The following AGTPBP1 variants were observed in gnomAD, a reference collection of about 807,000 sequenced individuals.
AGTPBP1 encodes ATP/GTP binding carboxypeptidase 1.
A neutral mutation model predicts 143.9 loss-of-function variants in AGTPBP1; 70 were observed. The ratio of observed to expected loss-of-function variants is 0.49; its 90% CI spans 0.40 to 0.59. AGTPBP1 has a LOEUF of 0.59. Ranked by LOEUF, AGTPBP1 falls within the 20% of genes least tolerant of loss-of-function variation. AGTPBP1 has a pLI of 0.00. For missense variants in AGTPBP1, 1,229 were observed against 1,464.5 expected, an observed-to-expected ratio of 0.84 and a Z score of 2.62; for synonymous variants, 463 against 500.2, an observed-to-expected ratio of 0.93 and a Z score of 0.99.
At chr9:85,642,620 C>G (rs1172582272) in intron 13 of AGTPBP1, among the ~76,000 whole-genome samples, 2 of 151,520 alleles carry the variant, frequency 1.3e-5, no homozygotes, top group Non-Finnish European at 2.9e-5. Context: ...GTGTGAGCCA[C>G]CACGCCCGGC....
Position 85,575,274 on chromosome 9 carries a change from T to C in AGTPBP1, c.3503+41A>G, listed in dbSNP as rs183389946. On this transcript the variant is annotated intron_variant, in intron 25 of 25. Transcript: ENST00000357081. ...CTGCTATTTTAATGAAGTCTAATAA[T>C]ATACTACAATATAATAAAAGAAAAA... is the stretch of plus-strand genomic sequence containing the variant. 7.6e-4 allele frequency: 1,122 copies of C among 1,482,240 alleles called. 2 individuals carry two copies. The highest frequency in any genetic ancestry group is 7.2e-3 in the Middle Eastern group (29 of 4,040). 91.8% of individuals were successfully genotyped at this position (1,482,240 alleles called of 1,614,324 possible). A position where few individuals can be genotyped will look rare whatever the true frequency, so the allele number is the denominator to read the frequency against.
At chr9:85,718,096 G>A (rs62570603) in intron 1 of AGTPBP1, among the ~76,000 whole-genome samples, 2,256 of 152,214 alleles carry the variant, frequency 0.015, 25 homozygotes, top group Middle Eastern at 0.037. Flanking sequence ...CATATGGGTT[G>A]GTTCCAAGTC....
intron 6 of AGTPBP1, among the ~76,000 whole-genome samples, chr9:85,674,355 G>T (rs563577617): frequency 5.3e-4 from 80 of 151,704 alleles, no homozygotes; most frequent in Non-Finnish European, 8.7e-4. Flanking sequence ...ATATATAAGA[G>T]AAAATAAATA....
chr9:85,698,854 A>G (rs1044869712), intron 2 of AGTPBP1, among the ~76,000 whole-genome samples: 2 of 151,546 alleles, frequency 1.3e-5, no homozygotes, highest in Non-Finnish European at 2.9e-5. Flanking sequence ...AACCACGCCC[A>G]GCTCATTTTT....
the AGTPBP1 span, among the ~76,000 whole-genome samples, chr9:85,802,940 C>T: frequency 6.6e-6 from 1 of 152,190 alleles, no homozygotes; most frequent in South Asian, 2.1e-4. Context: ...TAATACTTGA[C>T]CATATGCAAC....
rs769438746 is a variant in AGTPBP1 at position 85,579,099 on chromosome 9, G to T, written c.3166-3C>A. The T allele has an allele frequency of 6.3e-7, 1 of 1,581,938 alleles. No homozygotes were observed. The highest frequency in any genetic ancestry group is 1.2e-5 in the South Asian group (1 of 84,542). On this transcript the variant is annotated splice_polypyrimidine_tract_variant and splice_region_variant and intron_variant, in intron 23 of 25. Coordinates refer to ENST00000357081, the MANE Select transcript of AGTPBP1 (RefSeq NM_001330701.2). The stretch of plus-strand genomic sequence containing the variant: ...TGGCTCAGTATCTTAGGCAATGTCT[G>T]TTAAAAACAAGAATGATGATGATAA...
chr9:85,794,081 A>G, the AGTPBP1 span, among the ~76,000 whole-genome samples: 1 of 152,160 alleles, frequency 6.6e-6, no homozygotes, highest in Non-Finnish European at 1.5e-5. Flanking sequence ...AGGGTAAGGA[A>G]ATAGAAAATT....
chr9:85,718,721 G>C (rs575326575), intron 1 of AGTPBP1, among the ~76,000 whole-genome samples: 10 of 152,092 alleles, frequency 6.6e-5, no homozygotes, highest in Non-Finnish European at 1.5e-4. Context: ...TGCTTTTGGT[G>C]TTTTAGTCAT....
chr9:85,643,940 C>T (rs1289071211), intron 12 of AGTPBP1, among the ~76,000 whole-genome samples: 2 of 152,020 alleles, frequency 1.3e-5, no homozygotes, highest in East Asian at 3.9e-4. Context: ...TTTGTATTTA[C>T]TTACTACCAG....
chr9:85,740,585 C>A (rs961724373), intron 1 of AGTPBP1, among the ~76,000 whole-genome samples: 1 of 152,292 alleles, frequency 6.6e-6, no homozygotes, highest in Non-Finnish European at 1.5e-5. Context: ...AAACATTCCA[C>A]AATACAATTA....
chr9:85,556,710 C>A (rs547928803), intron 25 of AGTPBP1, among the ~76,000 whole-genome samples: 2 of 152,252 alleles, frequency 1.3e-5, no homozygotes, highest in Admixed American at 1.3e-4. Flanking sequence ...AAGCAAGAAG[C>A]ATTACCAAAG....
the AGTPBP1 span, among the ~76,000 whole-genome samples, chr9:85,764,326 C>G: frequency 6.6e-6 from 1 of 151,636 alleles, no homozygotes; most frequent in Non-Finnish European, 1.5e-5. Context: ...GTCAGGAGTT[C>G]GAGACCAGCC....
rs1830761839 is a variant in AGTPBP1 at position 85,619,134 on chromosome 9, G to A, written c.2187-3C>T. 1.2e-6 allele frequency: 2 copies of A among 1,611,782 alleles called. No individual in the cohort carries two copies. The highest frequency in any genetic ancestry group is 1.3e-5 in the African/African-American group (1 of 74,930). ...TCAGAATAAGATCATATTCATTTCT[G>A]AAAATAGAAGACAAAGAAATCTGAT... is the stretch of plus-strand genomic sequence containing the variant. On this transcript the variant is annotated splice_polypyrimidine_tract_variant and splice_region_variant and intron_variant, in intron 16 of 25. Transcript: ENST00000357081.
intron 13 of AGTPBP1, among the ~76,000 whole-genome samples, chr9:85,637,095 G>A (rs1670379825): frequency 1.3e-5 from 2 of 148,576 alleles, no homozygotes; most frequent in South Asian, 2.1e-4. Context: ...AGGCTGGAGT[G>A]CAATGGCATG....
intron 14 of AGTPBP1, among the ~76,000 whole-genome samples, chr9:85,621,783 A>T (rs2133562503): frequency 6.6e-6 from 1 of 152,282 alleles, no homozygotes; most frequent in East Asian, 1.9e-4. Flanking sequence ...GTGGGAAAGG[A>T]AAGGTAGAGG....
chr9:85,567,568 G>C (rs7860075), intron 25 of AGTPBP1, among the ~76,000 whole-genome samples: 146,946 of 152,166 alleles, frequency 0.97, 70,986 homozygotes, highest in East Asian at 1. Context: ...CTCAAGTATG[G>C]GTGACACAAT....
the AGTPBP1 span, among the ~76,000 whole-genome samples, chr9:85,761,388 A>G: frequency 6.6e-6 from 1 of 152,256 alleles, no homozygotes; most frequent in South Asian, 2.1e-4. Flanking sequence ...ACAAGGCTAC[A>G]GTAACCAAAA....
intron 12 of AGTPBP1, among the ~76,000 whole-genome samples, chr9:85,645,299 G>C (rs1374713147): frequency 6.6e-6 from 1 of 152,162 alleles, no homozygotes; most frequent in Non-Finnish European, 1.5e-5. Context: ...CCAGTGAATA[G>C]TGAATAATGC....
At chr9:85,723,973 C>A (rs990083200) in intron 1 of AGTPBP1, among the ~76,000 whole-genome samples, 7 of 152,174 alleles carry the variant, frequency 4.6e-5, no homozygotes, top group African/African-American at 9.7e-5. Context: ...CTTAAACTTT[C>A]CAGCCACCAG....
Sources: gnomAD v4.1 joint callset for allele counts (sites outside exome capture counted in the v4.1 genomes callset) on GRCh38, gnomAD v4.1.1 for gene constraint, MANE v1.5 for transcripts, NCBI Gene and HGNC (gene_info 2026-07-23, HGNC 2026-07-21) for gene names.